The following MACF1 variants were observed in gnomAD, a reference collection of about 807,000 sequenced individuals.
MACF1 encodes the protein microtubule actin crosslinking factor 1.
A neutral mutation model predicts 854.8 loss-of-function variants in MACF1; 193 were observed. The ratio of observed to expected loss-of-function variants is 0.23; its 90% CI spans 0.20 to 0.25. MACF1 has a LOEUF of 0.25. Ranked by LOEUF, MACF1 falls within the 10% of genes least tolerant of loss-of-function variation. The pLI is 1.00. For synonymous variants in MACF1, 3,185 were observed against 3,226.7 expected, an observed-to-expected ratio of 0.99 and a Z score of 0.44; for missense variants, 7,722 against 8,929.1, an observed-to-expected ratio of 0.86 and a Z score of 5.45.
intron 2 of MACF1, chr1:39,102,884 C>T (rs1302798029): frequency 2.8e-6 from 2 of 702,420 alleles, no homozygotes; most frequent in African/African-American, 1.7e-5. Flanking sequence ...GAAAAACCTC[C>T]CCTTCATAGA....
intron 2 of MACF1, among the ~76,000 whole-genome samples, chr1:39,127,458 C>T (rs1209451302): frequency 2.0e-5 from 3 of 152,152 alleles, no homozygotes; most frequent in African/African-American, 7.2e-5. Flanking sequence ...CTCATGATAA[C>T]CCTGTGAAAT....
intron 58 of MACF1, chr1:39,414,304 G>A (rs1643185511): frequency 6.2e-7 from 1 of 1,613,900 alleles, no homozygotes; most frequent in South Asian, 1.1e-5. Flanking sequence ...TGCCCACACT[G>A]ACTCAGTGCC....
intron 51 of MACF1, among the ~76,000 whole-genome samples, chr1:39,370,569 T>C (rs1269572649): frequency 1.3e-5 from 2 of 152,256 alleles, no homozygotes; most frequent in East Asian, 3.8e-4. Flanking sequence ...GTACTGTCTT[T>C]GATCCGTAAT....
At chr1:39,318,710 A>T in intron 30 of MACF1, 95 bp downstream of exon 30, 2 of 1,268,176 alleles carry the variant, frequency 1.6e-6, no homozygotes, top group Non-Finnish European at 2.1e-6. Context: ...AGCTTCCTCC[A>T]AATGGAAGAT....
At chr1:39,135,824 C>T (rs1643152618) in intron 2 of MACF1, among the ~76,000 whole-genome samples, 2 of 152,138 alleles carry the variant, frequency 1.3e-5, no homozygotes, top group African/African-American at 2.4e-5. Context: ...GTCTATCTTG[C>T]TTCTCTCCCT....
At chr1:39,411,860 A>G (rs1483805678) in intron 58 of MACF1, 2 of 1,613,768 alleles carry the variant, frequency 1.2e-6, no homozygotes, top group African/African-American at 2.7e-5. Flanking sequence ...AAAGATTATG[A>G]TACTAGATTG....
chr1:39,133,539 TC>T (rs893560582), intron 2 of MACF1, among the ~76,000 whole-genome samples: 9 of 152,080 alleles, frequency 5.9e-5, no homozygotes, highest in African/African-American at 2.2e-4. Flanking sequence ...TCCTTTCTCC[TC>T]CTCCTCCTCC....
intron 50 of MACF1, 99 bp downstream of exon 50, chr1:39,368,413 G>A (rs968622377): frequency 1.6e-6 from 2 of 1,270,104 alleles, no homozygotes; most frequent in South Asian, 1.5e-5. Context: ...AGAACAGATG[G>A]CATCTAAAAT....
chr1:39,144,221 C>T (rs1336393935), intron 2 of MACF1, among the ~76,000 whole-genome samples: 1 of 151,710 alleles, frequency 6.6e-6, no homozygotes, highest in Non-Finnish European at 1.5e-5. Context: ...GTTGGGATTA[C>T]AGGTGCCTGC....
In MACF1 at chr1:39,315,615, A is replaced by G. The variant is rs769971680; in HGVS notation, c.3373A>G (p.Thr1125Ala). 3.1e-6 allele frequency: 5 copies of G among 1,614,016 alleles called. No individual in the cohort carries two copies. The highest frequency in any genetic ancestry group is 4.2e-6 in the Non-Finnish European group (5 of 1,179,990). ...GTCTCCATCTAGTTCAAGTGTCCCA[A>G]CTCTGCGCTCAGAACTGAATCTGCT... ...HQSPSSSSVP[T>A]LRSELNLLVE... Residue 1125 changes from threonine to alanine, a missense_variant, in exon 27 of 101, where the codon ACT (threonine) becomes GCT (alanine). Physicochemically the swap from Thr to Ala is moderately conservative, Grantham distance 58. Around this residue, in one of 15 missense-constraint regions of MACF1, gnomAD observed 1,137 missense variants for 1,263.0 expected, o/e 0.90. Coordinates refer to ENST00000564288, the MANE Select transcript of MACF1 (RefSeq NM_001394062.1).
rs761734896 is a variant in MACF1, at chr1:39,084,272, G to A, written c.54G>A (p.Arg18=). The change falls in exon 2 of 94, where the codon CGG becomes CGA. Residue 18 remains arginine (R), a synonymous_variant. Coordinates refer to the MACF1 transcript ENST00000361689. The surrounding 1 kb of genome is among the most constrained non-coding windows in gnomAD (Gnocchi z 5.2). ...GTGAGCGGTCATGTCGGAGTGAGCG[G>A]TCTTGTCGGAGTGAGCGATCTTACA... 2.5e-5 allele frequency: 41 copies of A among 1,613,442 alleles called. No individual in the cohort carries two copies. The highest frequency in any genetic ancestry group is 3.3e-5 in the Non-Finnish European group (39 of 1,179,824).
chr1:39,355,452 T>C (rs536205540), intron 44 of MACF1, among the ~76,000 whole-genome samples: 3 of 150,276 alleles, frequency 2.0e-5, no homozygotes, highest in East Asian at 1.9e-4. Context: ...CTTTCTTTTT[T>C]TCTTCTGCTT....
At chr1:39,161,836 C>A (rs1209022898) in intron 2 of MACF1, among the ~76,000 whole-genome samples, 3 of 151,246 alleles carry the variant, frequency 2.0e-5, no homozygotes, top group African/African-American at 4.9e-5. Flanking sequence ...CACTGCACTC[C>A]AGCTTGGGCG....
At chr1:39,248,084 C>T (rs1007897005) in intron 2 of MACF1, among the ~76,000 whole-genome samples, 2 of 152,106 alleles carry the variant, frequency 1.3e-5, no homozygotes, top group African/African-American at 4.8e-5. Flanking sequence ...ACCATCTTCC[C>T]CAGTTGTATA....
chr1:39,373,713 C>T (rs941337904), intron 52 of MACF1, among the ~76,000 whole-genome samples: 1 of 151,176 alleles, frequency 6.6e-6, no homozygotes, highest in Non-Finnish European at 1.5e-5. Flanking sequence ...ATTAGCCAGG[C>T]CTGGTGGCTT....
intron 21 of MACF1, among the ~76,000 whole-genome samples, chr1:39,299,882 A>G (rs888270385): frequency 6.6e-6 from 1 of 152,206 alleles, no homozygotes; most frequent in Non-Finnish European, 1.5e-5. Context: ...TCATGTTTAG[A>G]TAGATTTTTT....
intron 50 of MACF1, among the ~76,000 whole-genome samples, chr1:39,369,308 TTC>T (rs1649025493): frequency 1.3e-5 from 2 of 152,204 alleles, no homozygotes; most frequent in African/African-American, 4.8e-5. Flanking sequence ...TGAACAAGAC[TTC>T]TTATCTAAGT....
intron 58 of MACF1, chr1:39,414,344 AG>A: frequency 6.2e-7 from 1 of 1,613,976 alleles, no homozygotes; most frequent in Non-Finnish European, 8.5e-7. Context: ...CCTGTTCTAG[AG>A]GAGGCTTCCT....
intron 3 of MACF1, among the ~76,000 whole-genome samples, chr1:39,250,728 T>C (rs1242492264): frequency 6.6e-6 from 1 of 152,190 alleles, no homozygotes; most frequent in Non-Finnish European, 1.5e-5. Context: ...CCCAAAATGT[T>C]CTAACATTGA....
Sources: gnomAD v4.1 joint callset for allele counts (sites outside exome capture counted in the v4.1 genomes callset) on GRCh38, gnomAD v4.1.1 for gene constraint, gnomAD v4.1.1 regional missense constraint, Gnocchi (gnomAD v3.1) non-coding constraint, MANE v1.5 for transcripts, NCBI Gene and HGNC (gene_info 2026-07-23, HGNC 2026-07-21) for gene names.